MTDH: variants seen among roughly 807,000 people sequenced by gnomAD.
MTDH encodes metadherin.
In MTDH, 34 loss-of-function variants were observed where a neutral mutation model predicts 72.7. That is an observed-to-expected ratio of 0.47 (90% CI 0.36 to 0.62). The LOEUF (loss-of-function observed/expected upper bound fraction) is 0.62. Among genes scored for constraint, MTDH ranks in the 20% least tolerant of loss-of-function variants. The probability of loss-of-function intolerance (pLI) is 0.00; values close to 1 mark genes in which losing one functional copy is unlikely to be tolerated. For missense variants in MTDH, 677 were observed against 699.4 expected (o/e 0.97, Z 0.36); for synonymous variants, 266 against 268.9 (o/e 0.99, Z 0.10).
chr8:97,705,344 A>G lies in MTDH; in HGVS notation c.1148-1282A>G, dbSNP rs574706246. ...TTGCTGGGCGTGGTGCCTCACGCCTATAATCCCAGCACTTTGGGAGGCTGA... is the reference window on the plus strand; with the variant it reads ...TTGCTGGGCGTGGTGCCTCACGCCTGTAATCCCAGCACTTTGGGAGGCTGA... On this transcript the variant is annotated intron_variant, in intron 7 of 11. Transcript: ENST00000336273. Among the ~76,000 whole-genome samples the G allele has an allele frequency of 5.4e-5, 8 of 148,180 alleles. No homozygotes were observed. In the East Asian group the frequency reaches 6.1e-4, roughly 11 times the overall value.
At chr8:97,696,791 A>G (rs1182915471) in intron 6 of MTDH, among the ~76,000 whole-genome samples, 1 of 152,126 alleles carries the variant, frequency 6.6e-6, no homozygotes, top group Non-Finnish European at 1.5e-5. Context: ...TTTATTAATC[A>G]TATAGAAACT....
chr8:97,703,038 GT>G (rs1814200054), intron 7 of MTDH, among the ~76,000 whole-genome samples: 1 of 152,212 alleles, frequency 6.6e-6, no homozygotes, highest in South Asian at 2.1e-4. Context: ...TGTCTAAGAA[GT>G]TTTTTGGTAC....
rs745425514 is a variant in MTDH at position 97,644,522 on chromosome 8, T to C, written c.16T>C (p.Trp6Arg). The change falls in exon 1 of 12, where the codon TGG becomes CGG. Residue 6 changes from tryptophan (W) to arginine (R), a missense_variant. Physicochemically the swap from Trp to Arg is moderately radical, Grantham distance 101. This residue lies in a region of MTDH where 467 missense variants were observed against 469.1 expected (regional missense o/e 1.00). Coordinates refer to ENST00000336273, the MANE Select transcript of MTDH (RefSeq NM_178812.4). MAARS[W>R]QDELAQQAEE... ...GGGAGGGAAGATGGCTGCACGGAGC[T>C]GGCAGGACGAGCTGGCCCAGCAGGC... 7 of 1,590,642 alleles carry C rather than the reference T, an allele frequency of 4.4e-6. No homozygotes were observed. The South Asian group carries it at 7.9e-5, about 18-fold the overall frequency.
Position 97,687,623 on chromosome 8 carries a change from A to AAGAC in MTDH, c.745+21_745+24dup, listed in dbSNP as rs1241008097. ...GAATAAAGGTATATTAGTGGAACAT[A>AAGAC]AGACAGTGGTACATCAAATCAAACT... On this transcript the variant is annotated intron_variant, in intron 4 of 11. Transcript: ENST00000336273. 1.9e-6 allele frequency: 3 copies of AAGAC among 1,556,976 alleles called. No individual in the cohort carries two copies. In the African/African-American group the frequency reaches 4.1e-5, roughly 21 times the overall value.
intron 2 of MTDH, among the ~76,000 whole-genome samples, chr8:97,686,195 A>G (rs977598900): frequency 6.6e-6 from 1 of 152,220 alleles, no homozygotes; most frequent in South Asian, 2.1e-4. Flanking sequence ...TCATCTGAAT[A>G]TGTTGCAATA....
chr8:97,730,023 T>C lies in MTDH; in HGVS notation c.*5353T>C, dbSNP rs372933939. Among the ~76,000 whole-genome samples, 93 of 152,342 alleles carry C rather than the reference T, an allele frequency of 6.1e-4. 3 individuals carry two copies. The highest frequency in any genetic ancestry group is 4.2e-3 in the Admixed American group (64 of 15,302). On this transcript the variant is annotated 3_prime_UTR_variant, in exon 12 of 12. Transcript: ENST00000336273. Reference sequence around the variant, plus strand: ...ACGATGATTTCTAACCCTAGCATCATGACATGTATATAGTGTGTTGTAAGA... The same window carrying C: ...ACGATGATTTCTAACCCTAGCATCACGACATGTATATAGTGTGTTGTAAGA...
chr8:97,670,348 G>GT (rs1328731377), intron 2 of MTDH, among the ~76,000 whole-genome samples: 2 of 152,016 alleles, frequency 1.3e-5, no homozygotes, highest in African/African-American at 4.8e-5. Context: ...GACCAGCTTG[G>GT]TGGCTCGTGC....
chr8:97,729,192 G>A lies in MTDH; in HGVS notation c.*4522G>A, dbSNP rs139488974. On this transcript the variant is annotated 3_prime_UTR_variant, in exon 12 of 12. Coordinates refer to ENST00000336273, the MANE Select transcript of MTDH (RefSeq NM_178812.4). ...TCCTCCTGCCTTGGCCTCCCAAAGTGCTGGTGTTACAGGTGTGAGCCACCA... is the reference window on the plus strand; with the variant it reads ...TCCTCCTGCCTTGGCCTCCCAAAGTACTGGTGTTACAGGTGTGAGCCACCA... 0.035 allele frequency among the ~76,000 whole-genome samples: 5,224 copies of A among 151,316 alleles called. 277 individuals carry two copies. The highest frequency in any genetic ancestry group is 0.12 in the African/African-American group (4,901 of 41,154).
chr8:97,714,508 G>A (rs1251626279), intron 9 of MTDH, among the ~76,000 whole-genome samples: 3 of 152,024 alleles, frequency 2.0e-5, no homozygotes, highest in East Asian at 3.9e-4. Flanking sequence ...GGAAGCTGAG[G>A]TGAGAGGATC....
At chr8:97,720,609 G>A (rs115715232) in intron 10 of MTDH, among the ~76,000 whole-genome samples, 3,664 of 145,784 alleles carry the variant, frequency 0.025, 102 homozygotes, top group African/African-American at 0.064. Context: ...ATTTATTTAT[G>A]TGTGTGTGTA....
At chr8:97,679,995 G>A (rs10504977) in intron 2 of MTDH, among the ~76,000 whole-genome samples, 30,424 of 152,088 alleles carry the variant, frequency 0.2, 3,314 homozygotes, top group East Asian at 0.33. Context: ...GTCTTATTCA[G>A]TATATATCTT....
chr8:97,694,041 T>C (rs1478214081), intron 6 of MTDH, among the ~76,000 whole-genome samples: 1 of 152,184 alleles, frequency 6.6e-6, no homozygotes, highest in Non-Finnish European at 1.5e-5. Context: ...AATCTAGTTA[T>C]ACTTTCTTGT....
chr8:97,691,498 T>G (rs1813606704), intron 6 of MTDH, among the ~76,000 whole-genome samples: 1 of 152,220 alleles, frequency 6.6e-6, no homozygotes, highest in African/African-American at 2.4e-5. Context: ...GACTTTTTGA[T>G]TAATTTCAAC....
At chr8:97,721,456 A>C (rs1815120739) in intron 10 of MTDH, among the ~76,000 whole-genome samples, 1 of 151,922 alleles carries the variant, frequency 6.6e-6, no homozygotes, top group Non-Finnish European at 1.5e-5. Context: ...CACACACACA[A>C]ATACAACTTC....
chr8:97,662,565 C>T (rs1162593764), intron 2 of MTDH, among the ~76,000 whole-genome samples: 7 of 151,624 alleles, frequency 4.6e-5, no homozygotes, highest in South Asian at 2.1e-4. Context: ...GCAGGTGGAT[C>T]GCCTGAGGTC....
rs1038767591 is a variant in MTDH, at chr8:97,726,832, T to A, written c.*2162T>A. The A allele has an allele frequency of 2.0e-5, 3 of 152,070 alleles. No homozygotes were observed. Among genetic ancestry groups the A allele is most frequent in the Non-Finnish European group, 2.9e-5 (2 of 68,068 alleles). The allele number at this position is 152,070 out of a possible 1,614,324, so 9.4% of individuals were successfully genotyped here. A position where few individuals can be genotyped will look rare whatever the true frequency, so the allele number is the denominator to read the frequency against. On this transcript the variant is annotated 3_prime_UTR_variant, in exon 12 of 12. Coordinates refer to ENST00000336273, the MANE Select transcript of MTDH (RefSeq NM_178812.4). ...GCTCACGTCTGTAATCCCAGCACTT[T>A]GGGAGGCCGAGGCAGGTGGATCACG...
intron 8 of MTDH, among the ~76,000 whole-genome samples, chr8:97,711,350 A>G (rs1036743560): frequency 2.6e-5 from 4 of 151,526 alleles, no homozygotes; most frequent in Non-Finnish European, 4.4e-5. Context: ...AAAAAAAAAA[A>G]AAAGAAAAAT....
chr8:97,644,504 A>G lies in MTDH; in HGVS notation c.-3A>G. 6.4e-7 allele frequency: 1 copy of G among 1,572,952 alleles called. No homozygotes were observed. Among genetic ancestry groups the G allele is most frequent in the South Asian group, 1.1e-5 (1 of 87,032 alleles). ...CCTGCGAGTCCCTCTGACGGGAGGG[A>G]AGATGGCTGCACGGAGCTGGCAGGA... is the stretch of plus-strand genomic sequence containing the variant. On this transcript the variant is annotated 5_prime_UTR_variant, in exon 1 of 12. Coordinates refer to ENST00000336273, the MANE Select transcript of MTDH (RefSeq NM_178812.4).
rs540829045 is a variant in MTDH at position 97,687,513 on chromosome 8, A to T, written c.653A>T (p.Asp218Val). ...DKVLTDSGSL[D>V]STIPGIENTI... is the part of the protein sequence containing the mutation. ...GTGCTGACTGATTCTGGTTCATTGG[A>T]TTCAACTATCCCTGGGATAGAAAAT... Residue 218 changes from aspartate to valine, a missense_variant, in exon 4 of 12, where the codon GAT becomes GTT. Asp to Val is a radical substitution (Grantham distance 152). Coordinates refer to ENST00000336273, the MANE Select transcript of MTDH (RefSeq NM_178812.4). The T allele has an allele frequency of 2.5e-6, 4 of 1,613,762 alleles. No homozygotes were observed. The South Asian group carries it at 4.4e-5, about 18-fold the overall frequency.
Sources: allele counts gnomAD v4.1 joint callset (sites outside exome capture counted in the v4.1 genomes callset), GRCh38; gene constraint gnomAD v4.1.1; regional missense constraint gnomAD v4.1.1; transcripts MANE v1.5; gene names NCBI Gene and HGNC (gene_info 2026-07-23, HGNC 2026-07-21).